The following LAMA3 variants were observed in gnomAD, a reference collection of about 807,000 sequenced individuals.
The protein encoded by LAMA3 is laminin subunit alpha 3, also known as laminin subunit alpha-3.
A neutral mutation model predicts 402.0 loss-of-function variants in LAMA3; 281 were observed. That is an observed-to-expected ratio of 0.70 (90% CI 0.63 to 0.77). The LOEUF is 0.77. Among genes scored for constraint, LAMA3 ranks in the 30% least tolerant of loss-of-function variants. The pLI, the probability that LAMA3 is intolerant of heterozygous loss-of-function variation, is 0.00. For missense variants in LAMA3, 3,840 were observed against 4,215.5 expected (o/e 0.91, Z 2.47); for synonymous variants, 1,431 against 1,558.4 (o/e 0.92, Z 1.93).
Position 23,954,799 on chromosome 18 carries a change from C to A in LAMA3, c.*151C>A. On this transcript the variant is annotated 3_prime_UTR_variant, in exon 75 of 75. Coordinates refer to ENST00000313654, the MANE Select transcript of LAMA3 (RefSeq NM_198129.4). ...AATTTTGAATTCTGACCATGGATAC[C>A]CATCACTTTGGCATTCAGTGCTACA... 1.3e-6 allele frequency: 1 copy of A among 795,408 alleles called. No individual in the cohort carries two copies. The highest frequency in any genetic ancestry group is 2.2e-6 in the Non-Finnish European group (1 of 464,316). 49.3% of individuals were successfully genotyped at this position (795,408 alleles called of 1,614,324 possible). A position where few individuals can be genotyped will look rare whatever the true frequency, so the allele number is the denominator to read the frequency against.
intron 11 of LAMA3, among the ~76,000 whole-genome samples, chr18:23,777,973 A>G (rs2062359505): frequency 6.6e-6 from 1 of 152,240 alleles, no homozygotes; most frequent in Admixed American, 6.5e-5. Flanking sequence ...AGGTGATCCC[A>G]GGAAGGGAGA....
intron 10 of LAMA3, among the ~76,000 whole-genome samples, chr18:23,776,166 A>G (rs1290154886): frequency 1.3e-5 from 2 of 152,238 alleles, no homozygotes; most frequent in African/African-American, 2.4e-5. Flanking sequence ...TCAGTAGGTC[A>G]AAAAGTCAAA....
chr18:23,941,564 G>A (rs1178472172), intron 68 of LAMA3, among the ~76,000 whole-genome samples: 2 of 152,126 alleles, frequency 1.3e-5, no homozygotes, highest in Admixed American at 1.3e-4. Flanking sequence ...GTAAGAGTTG[G>A]AGGATTCTGT....
intron 39 of LAMA3, 49 bp downstream of exon 39, chr18:23,876,456 T>C (rs879832348): frequency 4.9e-6 from 6 of 1,214,794 alleles, no homozygotes; most frequent in South Asian, 1.2e-5. Context: ...CTGTTTCTCC[T>C]CCATTCCCCT....
At chr18:23,833,703 C>T in intron 23 of LAMA3, 125 bp from the exon 24 acceptor site, 1 of 1,028,566 alleles carries the variant, frequency 9.7e-7, no homozygotes, top group Admixed American at 1.7e-5. Context: ...ATATTCCTTA[C>T]TGGGATGACA....
At position 23,772,556 on chromosome 18, in the gene LAMA3, A is replaced by G. The variant is rs552110261; in HGVS notation, c.1183-941A>G. Among the ~76,000 whole-genome samples the G allele has an allele frequency of 3.9e-5, 6 of 152,346 alleles. No individual in the cohort carries two copies. The South Asian group carries it at 1.2e-3, about 32-fold the overall frequency. On this transcript the variant is annotated intron_variant, in intron 8 of 74. Coordinates refer to ENST00000313654, the MANE Select transcript of LAMA3 (RefSeq NM_198129.4). Reference sequence around the variant, plus strand: ...TAAATTTCAAGTCACAGAAGTGGCCAATGTGGTTTTAGACCTCAACATTAA... The same window carrying G: ...TAAATTTCAAGTCACAGAAGTGGCCGATGTGGTTTTAGACCTCAACATTAA...
At chr18:23,888,451 G>A (rs1334269296) in intron 41 of LAMA3, among the ~76,000 whole-genome samples, 1 of 152,132 alleles carries the variant, frequency 6.6e-6, no homozygotes, top group Non-Finnish European at 1.5e-5. Context: ...ACAAATGAAT[G>A]AATATGTGCC....
intron 69 of LAMA3, among the ~76,000 whole-genome samples, chr18:23,944,614 C>G (rs963644175): frequency 3.9e-5 from 6 of 152,114 alleles, no homozygotes; most frequent in African/African-American, 1.2e-4. Context: ...GTAGAGAAAG[C>G]CCTGGTACAG....
chr18:23,826,942 T>C, intron 22 of LAMA3, 143 bp downstream of exon 22: 1 of 665,498 alleles, frequency 1.5e-6, no homozygotes, highest in Non-Finnish European at 2.7e-6. Flanking sequence ...CTCTATGTCT[T>C]ACTTGTGTTC....
In LAMA3 at chr18:23,845,130, T is replaced by C; in HGVS notation, c.3719+6T>C. The C allele has an allele frequency of 1.3e-6, 2 of 1,500,282 alleles. No individual in the cohort carries two copies. The highest frequency in any genetic ancestry group is 9.3e-7 in the Non-Finnish European group (1 of 1,076,414). The allele number at this position is 1,500,282 out of a possible 1,614,324, so 92.9% of individuals were successfully genotyped here. A position where few individuals can be genotyped will look rare whatever the true frequency, so the allele number is the denominator to read the frequency against. ...AAAAACAGCTTTTACCTTGAGTGAG[T>C]ATCACTTTGTGGGAAGGCTCTGGAA... On this transcript the variant is annotated splice_donor_region_variant and intron_variant, in intron 30 of 74. Coordinates refer to ENST00000313654, the MANE Select transcript of LAMA3 (RefSeq NM_198129.4).
At chr18:23,771,765 G>C (rs1437022944) in intron 8 of LAMA3, among the ~76,000 whole-genome samples, 3 of 152,122 alleles carry the variant, frequency 2.0e-5, no homozygotes, top group Non-Finnish European at 4.4e-5. Context: ...AAATATTAAT[G>C]GTAAATTGTA....
intron 41 of LAMA3, among the ~76,000 whole-genome samples, chr18:23,885,249 T>C (rs2065034131): frequency 6.6e-6 from 1 of 151,190 alleles, no homozygotes; most frequent in Non-Finnish European, 1.5e-5. Context: ...AACGTATCCC[T>C]ACTTACCTGT....
chr18:23,837,332 G>C (rs1352791264), intron 25 of LAMA3: 3 of 488,842 alleles, frequency 6.1e-6, no homozygotes, highest in African/African-American at 2.0e-5. Context: ...CGTTTCATTA[G>C]TTTTTATTCA....
intron 12 of LAMA3, among the ~76,000 whole-genome samples, chr18:23,784,648 C>T (rs1351475162): frequency 6.6e-6 from 1 of 152,098 alleles, no homozygotes; most frequent in Non-Finnish European, 1.5e-5. Context: ...TGTTTGTATC[C>T]TAGTATCCCA....
At chr18:23,914,338 T>C in intron 56 of LAMA3, 72 bp from the exon 57 acceptor site, 1 of 1,540,444 alleles carries the variant, frequency 6.5e-7, no homozygotes, top group Admixed American at 1.7e-5. Context: ...TTGAAATGCA[T>C]CCTCATCCTC....
At chr18:23,893,436 A>G (rs1442903178) in intron 42 of LAMA3, among the ~76,000 whole-genome samples, 2 of 152,048 alleles carry the variant, frequency 1.3e-5, no homozygotes, top group Admixed American at 1.3e-4. Context: ...TACAAAAATT[A>G]GCCAGGCATG....
intron 62 of LAMA3, among the ~76,000 whole-genome samples, chr18:23,925,966 C>T (rs1420072694): frequency 2.0e-5 from 3 of 152,232 alleles, no homozygotes; most frequent in Non-Finnish European, 4.4e-5. Flanking sequence ...CACTTACCAG[C>T]TGTGTGACCT....
At position 23,842,630 on chromosome 18, in the gene LAMA3, T is replaced by C. The variant is rs1167425019; in HGVS notation, c.3483T>C (p.Phe1161=). ...WPRAGSFHAS[F]CPHVLGCRDQ... is the part of the protein sequence containing the mutation. ...TGCCAGGCTCCTTCCATGCCTCTTTTTGCCCCCATGTGCTTGGCTGCCGGG... is the reference window on the plus strand; with the variant it reads ...TGCCAGGCTCCTTCCATGCCTCTTTCTGCCCCCATGTGCTTGGCTGCCGGG... Residue 1161 remains phenylalanine (F), a synonymous_variant, in exon 29 of 75, where the codon TTT becomes TTC. Transcript: ENST00000313654. 1.9e-6 allele frequency: 3 copies of C among 1,614,214 alleles called. No individual in the cohort carries two copies. Among genetic ancestry groups the C allele is most frequent in the African/African-American group, 2.7e-5 (2 of 75,068 alleles).
rs1480101733 is a variant in LAMA3 at position 23,899,060 on chromosome 18, T to C, written c.5831T>C (p.Val1944Ala). The C allele has an allele frequency of 1.2e-6, 2 of 1,611,584 alleles. No individual in the cohort carries two copies. Among genetic ancestry groups the C allele is most frequent in the Non-Finnish European group, 1.7e-6 (2 of 1,177,730 alleles). The change falls in exon 46 of 75, where the codon GTG (valine) becomes GCG (alanine). Residue 1944 changes from valine to alanine, a missense_variant. Val to Ala is a moderately conservative substitution (Grantham distance 64, BLOSUM62 0). This residue lies in a region of LAMA3 where 891 missense variants were observed against 857.5 expected (regional missense o/e 1.04). Coordinates refer to ENST00000313654, the MANE Select transcript of LAMA3 (RefSeq NM_198129.4). ...AAGATTAAAAATGTCATCCGGAATG[T>C]GCACAGTAAGAAGAGTTATTAAGCC... ...DVKIKNVIRN[V>A]HILLKQISGT...
Sources: allele counts gnomAD v4.1 joint callset (sites outside exome capture counted in the v4.1 genomes callset), GRCh38; gene constraint gnomAD v4.1.1; regional missense constraint gnomAD v4.1.1; transcripts MANE v1.5; gene names NCBI Gene and HGNC (gene_info 2026-07-23, HGNC 2026-07-21).